The following SPEN variants were observed in gnomAD, a reference collection of about 807,000 sequenced individuals.
SPEN encodes msx2-interacting protein.
Under a neutral mutation model 269.9 loss-of-function variants are expected in SPEN, and 18 were observed. The observed-to-expected ratio is 0.07, with a 90% CI of 0.05 to 0.10. The LOEUF is 0.10. Among genes scored for constraint, SPEN ranks in the 10% least tolerant of loss-of-function variants. The pLI, the probability that SPEN is intolerant of heterozygous loss-of-function variation, is 1.00. For missense variants in SPEN, 3,822 were observed against 4,631.2 expected (o/e 0.83, Z 5.07); for synonymous variants, 1,726 against 1,765.7 (o/e 0.98, Z 0.56).
At chr1:15,864,648 T>A (rs1442361508) in intron 1 of SPEN, among the ~76,000 whole-genome samples, 2 of 142,868 alleles carry the variant, frequency 1.4e-5, no homozygotes, top group African/African-American at 2.7e-5. Context: ...TCTCGCTCTG[T>A]CACCCAGTCT....
intron 1 of SPEN, among the ~76,000 whole-genome samples, chr1:15,865,344 C>T (rs1218257179): frequency 6.6e-6 from 1 of 151,404 alleles, no homozygotes; most frequent in Non-Finnish European, 1.5e-5. Context: ...TGAGCCACCA[C>T]GCCTGGCGAG....
Position 15,933,814 on chromosome 1 carries a change from C to T in SPEN, c.7574C>T (p.Ser2525Phe), listed in dbSNP as rs369356919. Reference sequence around the variant, plus strand: ...GCTCTTCCCCCAGACACAAAGGCCTCTGATGTTGACACCAGCTCCAGCACC... The same window carrying T: ...GCTCTTCCCCCAGACACAAAGGCCTTTGATGTTGACACCAGCTCCAGCACC... Reference protein sequence around the residue: ...SPALPPDTKASDVDTSSSTLR... With the variant: ...SPALPPDTKAFDVDTSSSTLR... Residue 2525 changes from serine (S) to phenylalanine (F), a missense_variant, in exon 11 of 15, where the codon TCT (serine) becomes TTT (phenylalanine). By Grantham distance (155) the Ser-to-Phe change is radical. Around this residue, in one of 16 missense-constraint regions of SPEN, gnomAD observed 727 missense variants for 737.9 expected, o/e 0.99. Transcript: ENST00000375759. This position sits in a 1 kb window ranked among gnomAD's most constrained non-coding sequence, Gnocchi z 5.7. The T allele has an allele frequency of 1.5e-5, 24 of 1,613,362 alleles. No individual in the cohort carries two copies. The East Asian group carries it at 2.7e-4, about 18-fold the overall frequency.
At chr1:15,914,233 G>A (rs1055598123) in intron 5 of SPEN, among the ~76,000 whole-genome samples, 24 of 152,206 alleles carry the variant, frequency 1.6e-4, no homozygotes, top group Admixed American at 1.4e-3. Context: ...GGACTCAGAA[G>A]TGAGATGTAT....
rs745984704 is a variant in SPEN, at chr1:15,937,479, C to T, written c.10343C>T (p.Pro3448Leu). 1 of 1,614,028 alleles carries T rather than the reference C, an allele frequency of 6.2e-7. No individual in the cohort carries two copies. Among genetic ancestry groups the T allele is most frequent in the Admixed American group, 1.7e-5 (1 of 60,020 alleles). ...SMKPDLPVSL[P>L]TQTAPKQPLF... ...AAGCCTGACCTTCCAGTCTCTCTTC[C>T]CACTCAGACTGCCCCAAAACAGCCG... Residue 3448 changes from proline (P) to leucine (L), a missense_variant, in exon 12 of 15, where the codon CCC becomes CTC. By Grantham distance (98) the Pro-to-Leu change is moderately conservative. This residue lies in a region of SPEN where 359 missense variants were observed against 377.3 expected (regional missense o/e 0.95). Coordinates refer to ENST00000375759, the MANE Select transcript of SPEN (RefSeq NM_015001.3). The surrounding 1 kb of genome is among the most constrained non-coding windows in gnomAD (Gnocchi z 5.7).
At chr1:15,913,867 A>T (rs1014428571) in intron 5 of SPEN, among the ~76,000 whole-genome samples, 19 of 152,188 alleles carry the variant, frequency 1.2e-4, no homozygotes, top group African/African-American at 4.6e-4. Context: ...CAAGGGGGAG[A>T]AAAAAAGAAA....
Position 15,937,389 on chromosome 1 carries a change from A to G in SPEN, c.10253A>G (p.Gln3418Arg), listed in dbSNP as rs201651680. 1.9e-6 allele frequency: 3 copies of G among 1,613,848 alleles called. No individual in the cohort carries two copies. The highest frequency in any genetic ancestry group is 2.5e-6 in the Non-Finnish European group (3 of 1,180,008). ...AACAGGCCACCTGAGCCTCACACCC[A>G]GGTTCAGAGGGCACAAGCAGAAACA... ...PANRPPEPHT[Q>R]VQRAQAETGP... The change falls in exon 12 of 15, where the codon CAG (glutamine) becomes CGG (arginine). Residue 3418 changes from glutamine to arginine, a missense_variant. By Grantham distance (43) the Gln-to-Arg change is conservative. Transcript: ENST00000375759. This position sits in a 1 kb window ranked among gnomAD's most constrained non-coding sequence, Gnocchi z 5.7.
At chr1:15,851,914 C>T (rs1361677782) in intron 1 of SPEN, among the ~76,000 whole-genome samples, 3 of 151,902 alleles carry the variant, frequency 2.0e-5, no homozygotes, top group East Asian at 3.9e-4. Flanking sequence ...ACCTGGGAGG[C>T]GGAGGTTTCA....
In SPEN at chr1:15,932,979, C is replaced by G. The variant is rs772223605; in HGVS notation, c.6739C>G (p.Leu2247Val). Residue 2247 changes from leucine to valine, a missense_variant, in exon 11 of 15, where the codon CTG becomes GTG. Physicochemically the swap from Leu to Val is conservative, Grantham distance 32. Transcript: ENST00000375759. The surrounding 1 kb of genome is among the most constrained non-coding windows in gnomAD (Gnocchi z 4.2). ...PPYPGESQTDLQPPAGAQALQ... is the reference protein window; with the variant it reads ...PPYPGESQTDVQPPAGAQALQ... ...TTATCCTGGAGAATCCCAGACAGAT[C>G]TGCAACCCCCCGCAGGTGCACAGGC... The G allele has an allele frequency of 6.2e-7, 1 of 1,614,232 alleles. No individual in the cohort carries two copies. The highest frequency in any genetic ancestry group is 8.5e-7 in the Non-Finnish European group (1 of 1,180,028).
chr1:15,913,911 G>T (rs2071033908), intron 5 of SPEN, among the ~76,000 whole-genome samples: 1 of 152,070 alleles, frequency 6.6e-6, no homozygotes, highest in Admixed American at 6.6e-5. Context: ...CATTTGGTGG[G>T]AATGAAGCCG....
chr1:15,882,938 A>G (rs1251098971), intron 3 of SPEN, among the ~76,000 whole-genome samples: 1 of 152,056 alleles, frequency 6.6e-6, no homozygotes, highest in East Asian at 1.9e-4. Context: ...AGTCTGAGTC[A>G]TGGGGCTAGG....
intron 2 of SPEN, 23 bp from the exon 3 acceptor site, chr1:15,876,179 A>AT (rs1310877424): frequency 6.3e-7 from 1 of 1,576,356 alleles, no homozygotes; most frequent in African/African-American, 1.4e-5. Flanking sequence ...CTGATTAAAT[A>AT]TTTTTCCCCC....
Position 15,847,797 on chromosome 1 carries a change from C to T in SPEN, c.-271C>T, listed in dbSNP as rs891353270. ...GCCCCTCCTCCCGCTCCCCCGCCCGCCCCTGCCCGGGCGCATGCGCTGCCG... is the reference window on the plus strand; with the variant it reads ...GCCCCTCCTCCCGCTCCCCCGCCCGTCCCTGCCCGGGCGCATGCGCTGCCG... On this transcript the variant is annotated 5_prime_UTR_variant, in exon 1 of 15. Transcript: ENST00000375759. 3 of 223,650 alleles carry T rather than the reference C, an allele frequency of 1.3e-5. No homozygotes were observed. The highest frequency in any genetic ancestry group is 4.6e-5 in the African/African-American group (2 of 43,902). 13.9% of individuals were successfully genotyped at this position (223,650 alleles called of 1,614,324 possible).
intron 3 of SPEN, among the ~76,000 whole-genome samples, chr1:15,904,967 C>T (rs940885899): frequency 8.0e-5 from 12 of 150,452 alleles, no homozygotes; most frequent in African/African-American, 1.2e-4. Flanking sequence ...TGGCTCACTG[C>T]GACCTCTGCC....
chr1:15,927,344 T>C (rs966679331), intron 10 of SPEN, among the ~76,000 whole-genome samples: 2 of 152,166 alleles, frequency 1.3e-5, no homozygotes, highest in Admixed American at 1.3e-4. Context: ...TAGGAAAGTT[T>C]TTACAGATAT....
At position 15,937,120 on chromosome 1, in the gene SPEN, C is replaced by T; in HGVS notation, c.10027-43C>T. 1 of 1,581,544 alleles carries T rather than the reference C, an allele frequency of 6.3e-7. No individual in the cohort carries two copies. On this transcript the variant is annotated intron_variant, in intron 11 of 14. Coordinates refer to ENST00000375759, the MANE Select transcript of SPEN (RefSeq NM_015001.3). This position sits in a 1 kb window ranked among gnomAD's most constrained non-coding sequence, Gnocchi z 5.7. Reference sequence around the variant, plus strand: ...TTTGTTGGTCTCAGGGGCTTGTGCACAACAGACTGACTCTGTCCCTTTGCC... The same window carrying T: ...TTTGTTGGTCTCAGGGGCTTGTGCATAACAGACTGACTCTGTCCCTTTGCC...
intron 3 of SPEN, among the ~76,000 whole-genome samples, chr1:15,906,302 T>TA (rs968849205): frequency 1.8e-4 from 27 of 152,286 alleles, no homozygotes; most frequent in Middle Eastern, 3.4e-3. Flanking sequence ...AATTCATTGA[T>TA]AAGGGGCCTA....
Position 15,873,060 on chromosome 1 carries a change from G to T in SPEN, c.328G>T (p.Gly110Cys). ...RSREVSGFRGGGGGPAYGPPP... is the reference protein window; with the variant it reads ...RSREVSGFRGCGGGPAYGPPP... Reference sequence around the variant, plus strand: ...TAGAGAGGTTTCTGGGTTCAGAGGAGGTGGTGGAGGGCCTGCTTATGGTCC... The same window carrying T: ...TAGAGAGGTTTCTGGGTTCAGAGGATGTGGTGGAGGGCCTGCTTATGGTCC... The change falls in exon 2 of 15, where the codon GGT (glycine) becomes TGT (cysteine). Residue 110 changes from glycine to cysteine, a missense_variant. Physicochemically the swap from Gly to Cys is radical, Grantham distance 159. Around this residue, in one of 16 missense-constraint regions of SPEN, gnomAD observed 327 missense variants for 350.8 expected, o/e 0.93. Coordinates refer to ENST00000375759, the MANE Select transcript of SPEN (RefSeq NM_015001.3). 6.2e-7 allele frequency: 1 copy of T among 1,614,158 alleles called. No homozygotes were observed.
At chr1:15,855,497 G>C (rs923749305) in intron 1 of SPEN, among the ~76,000 whole-genome samples, 1 of 151,970 alleles carries the variant, frequency 6.6e-6, no homozygotes, top group African/African-American at 2.4e-5. Context: ...TTAACATATA[G>C]CGATTTGTCT....
intron 13 of SPEN, 138 bp from the exon 14 acceptor site, chr1:15,938,580 T>C: frequency 2.3e-6 from 1 of 439,862 alleles, no homozygotes; most frequent in East Asian, 5.0e-5. Flanking sequence ...TTTTTTTTTT[T>C]TTTTCATTCA....
Sources: allele counts gnomAD v4.1 joint callset (sites outside exome capture counted in the v4.1 genomes callset), GRCh38; gene constraint gnomAD v4.1.1; regional missense constraint gnomAD v4.1.1; non-coding constraint Gnocchi (gnomAD v3.1); transcripts MANE v1.5; gene names NCBI Gene and HGNC (gene_info 2026-07-23, HGNC 2026-07-21).